The following KANK1 variants were observed in gnomAD, a reference collection of about 807,000 sequenced individuals.
KANK1 encodes KN motif and ankyrin repeat domain-containing protein 1.
Under a neutral mutation model 106.2 loss-of-function variants are expected in KANK1, and 109 were observed. The observed-to-expected ratio is 1.03, with a 90% CI of 0.88 to 1.20. KANK1 has a LOEUF of 1.20. Among genes scored for constraint, KANK1 ranks in the 50% most tolerant of loss-of-function variants. The pLI is 0.00. For synonymous variants in KANK1, 873 were observed against 652.2 expected, an observed-to-expected ratio of 1.34 and a Z score of -5.16; for missense variants, 2,399 against 1,710.7, an observed-to-expected ratio of 1.40 and a Z score of -7.10.
chr9:702,340 T>C (rs927667245), intron 2 of KANK1, among the ~76,000 whole-genome samples: 2 of 152,200 alleles, frequency 1.3e-5, no homozygotes, highest in Non-Finnish European at 2.9e-5. Flanking sequence ...GTCATGTAGC[T>C]GTTTGCTTCA....
chr9:574,802 C>T (rs1398815941), intron 1 of KANK1, among the ~76,000 whole-genome samples: 1 of 150,532 alleles, frequency 6.6e-6, no homozygotes, highest in Non-Finnish European at 1.5e-5. Flanking sequence ...TTGCAGTGAG[C>T]CGAGATTGCA....
At chr9:743,353 T>C (rs10758864) in intron 10 of KANK1, among the ~76,000 whole-genome samples, 111,651 of 152,198 alleles carry the variant, frequency 0.73, 42,088 homozygotes, top group African/African-American at 0.91. Flanking sequence ...CAGGAGCACA[T>C]GGAAGCTGCA....
At chr9:570,075 G>A (rs1418821087) in intron 1 of KANK1, among the ~76,000 whole-genome samples, 1 of 151,758 alleles carries the variant, frequency 6.6e-6, no homozygotes, top group African/African-American at 2.4e-5. Flanking sequence ...CCTTGTATTG[G>A]GTTTTTTGTT....
In KANK1 at chr9:738,303, C is replaced by T. The variant is rs756211375; in HGVS notation, c.3352C>T (p.Leu1118Phe). ...TTGGCAGAGGTTCTGTCTGAACACC[C>T]TCCAGCACGAGTGGTTCCGCGTGTC... is the stretch of plus-strand genomic sequence containing the variant. Reference protein sequence around the residue: ...SKDMRFCLNTLQHEWFRVSSQ... With the variant: ...SKDMRFCLNTFQHEWFRVSSQ... Residue 1118 changes from leucine to phenylalanine, a missense_variant, in exon 8 of 12, where the codon CTC becomes TTC. Transcript: ENST00000382297. 3.7e-6 allele frequency: 6 copies of T among 1,613,112 alleles called. No homozygotes were observed. The highest frequency in any genetic ancestry group is 1.3e-5 in the African/African-American group (1 of 74,914).
chr9:645,756 G>A (rs1024513221), intron 1 of KANK1, among the ~76,000 whole-genome samples: 1 of 150,538 alleles, frequency 6.6e-6, no homozygotes, highest in African/African-American at 2.5e-5. Context: ...GTGGTGGCAT[G>A]CACCTGTAAT....
Position 734,800 on chromosome 9 carries a change from A to G in KANK1, c.3298A>G (p.Ile1100Val), listed in dbSNP as rs146128573. 1.4e-5 allele frequency: 22 copies of G among 1,613,754 alleles called. No individual in the cohort carries two copies. The African/African-American group carries it at 2.0e-4, about 15-fold the overall frequency. ...LSACNLLKNT[I>V]NDPKALTSKD... ...TGCATGCAACTTACTGAAAAATACT[A>G]TAAATGACCCCAAAGCTTTGACCAG... Residue 1100 changes from isoleucine (I) to valine (V), a missense_variant, in exon 7 of 12, where the codon ATA becomes GTA. By Grantham distance (29) the Ile-to-Val change is conservative. Transcript: ENST00000382297.
chr9:720,492 T>G (rs10976044), intron 3 of KANK1, among the ~76,000 whole-genome samples: 3,696 of 152,324 alleles, frequency 0.024, 71 homozygotes, highest in Non-Finnish European at 0.038. Context: ...TACAGACACT[T>G]ACCACCATGC....
chr9:624,674 C>G (rs190800510), intron 1 of KANK1, among the ~76,000 whole-genome samples: 11 of 152,046 alleles, frequency 7.2e-5, no homozygotes, highest in African/African-American at 2.7e-4. Context: ...GTAGTCATTC[C>G]TGTAGTCCCA....
chr9:651,093 G>C (rs1159306108), intron 1 of KANK1, among the ~76,000 whole-genome samples: 1 of 152,152 alleles, frequency 6.6e-6, no homozygotes, highest in African/African-American at 2.4e-5. Flanking sequence ...TCTGTGAAAG[G>C]AGGAATTTGG....
chr9:580,768 C>T (rs1012164755), intron 1 of KANK1, among the ~76,000 whole-genome samples: 1 of 152,252 alleles, frequency 6.6e-6, no homozygotes, highest in Non-Finnish European at 1.5e-5. Flanking sequence ...CGCTGTGCGC[C>T]CGCACTCCTG....
intron 1 of KANK1, among the ~76,000 whole-genome samples, chr9:615,358 T>A (rs1262453342): frequency 6.6e-6 from 1 of 152,238 alleles, no homozygotes; most frequent in African/African-American, 2.4e-5. Context: ...CCATCTGGCA[T>A]CATATGCTCT....
At chr9:737,895 G>GTGTT (rs1244629088) in intron 7 of KANK1, among the ~76,000 whole-genome samples, 1 of 152,220 alleles carries the variant, frequency 6.6e-6, no homozygotes, top group African/African-American at 2.4e-5. Context: ...CCAAGCCTGA[G>GTGTT]TGTTTATTCT....
At chr9:596,430 G>A (rs912344318) in intron 1 of KANK1, among the ~76,000 whole-genome samples, 1 of 151,792 alleles carries the variant, frequency 6.6e-6, no homozygotes, top group African/African-American at 2.4e-5. Flanking sequence ...AACCAAGGCT[G>A]GCTGTCCTCT....
intron 1 of KANK1, among the ~76,000 whole-genome samples, chr9:539,238 T>C (rs1324908986): frequency 6.6e-6 from 1 of 152,186 alleles, no homozygotes; most frequent in Non-Finnish European, 1.5e-5. Flanking sequence ...GCTTTGGCTG[T>C]TTGGGGCATT....
rs143151060 is a variant in KANK1 at position 528,389 on chromosome 9, A to T, written c.-84+23635A>T. On this transcript the variant is annotated intron_variant, in intron 1 of 11. Transcript: ENST00000382297. ...CTTACCTTTTTCTCTCCTATTTTCT[A>T]TGTCTTGGTCTTTTTATTCCATTTT... 7.1e-5 allele frequency among the ~76,000 whole-genome samples: 10 copies of T among 140,114 alleles called. No homozygotes were observed. The East Asian group carries it at 1.2e-3, about 17-fold the overall frequency. 91.9% of individuals were successfully genotyped at this position (140,114 alleles called of 152,430 possible).
Position 680,591 on chromosome 9 carries a change from G to A in KANK1, c.37+3582G>A, listed in dbSNP as rs184776126. Among the ~76,000 whole-genome samples, 217 of 152,280 alleles carry A rather than the reference G, an allele frequency of 1.4e-3. 1 individual carries two copies. The highest frequency in any genetic ancestry group is 3.3e-3 in the Admixed American group (50 of 15,302). On this transcript the variant is annotated intron_variant, in intron 2 of 11. Coordinates refer to ENST00000382297, the MANE Select transcript of KANK1 (RefSeq NM_015158.5). ...TATACATGAGCACCTACTACGTGCT[G>A]TTTTAGGTACTGGGGATACAGCAGT...
chr9:607,190 G>T (rs1447339735), intron 1 of KANK1, among the ~76,000 whole-genome samples: 1 of 151,728 alleles, frequency 6.6e-6, no homozygotes, highest in Non-Finnish European at 1.5e-5. Flanking sequence ...AAATCCACTT[G>T]AAAGCAGATG....
chr9:703,871 C>A (rs570260127), intron 2 of KANK1, among the ~76,000 whole-genome samples: 2 of 152,128 alleles, frequency 1.3e-5, no homozygotes, highest in East Asian at 3.9e-4. Context: ...ACCACCATGC[C>A]CAGCTAAATT....
chr9:676,905 G>A lies in KANK1; in HGVS notation c.-68G>A. 5 of 1,307,078 alleles carry A rather than the reference G, an allele frequency of 3.8e-6. No homozygotes were observed. The highest frequency in any genetic ancestry group is 1.2e-5 in the South Asian group (1 of 81,288). The allele number at this position is 1,307,078 out of a possible 1,614,324, so 81.0% of individuals were successfully genotyped here. A position where few individuals can be genotyped will look rare whatever the true frequency, so the allele number is the denominator to read the frequency against. On this transcript the variant is annotated 5_prime_UTR_variant, in exon 2 of 12. Coordinates refer to ENST00000382297, the MANE Select transcript of KANK1 (RefSeq NM_015158.5). ...ATTGTTTCAGGTTGAATGCCTTTGA[G>A]AACTTGATGCATAAAATTTGCATGA...
Sources: gnomAD v4.1 joint callset for allele counts (sites outside exome capture counted in the v4.1 genomes callset) on GRCh38, gnomAD v4.1.1 for gene constraint, MANE v1.5 for transcripts, NCBI Gene and HGNC (gene_info 2026-07-23, HGNC 2026-07-21) for gene names.